ZHX3: variants seen among roughly 807,000 people sequenced by gnomAD.
ZHX3 encodes the protein zinc fingers and homeoboxes 3.
ZHX3 carries 20 observed loss-of-function variants against 64.5 expected under a neutral mutation model. The observed-to-expected ratio is 0.31, with a 90% confidence interval of 0.22 to 0.45. The LOEUF (loss-of-function observed/expected upper bound fraction) is 0.45. Among genes scored for constraint, ZHX3 ranks in the 20% least tolerant of loss-of-function variants. The pLI is 1.00. For missense variants in ZHX3, 1,041 were observed against 1,195.8 expected (o/e 0.87, Z 1.91); for synonymous variants, 423 against 461.6 (o/e 0.92, Z 1.07).
intron 2 of ZHX3, among the ~76,000 whole-genome samples, chr20:41,222,300 T>A (rs894901589): frequency 6.6e-6 from 1 of 152,182 alleles, no homozygotes; most frequent in Non-Finnish European, 1.5e-5. Context: ...AGATTTTTGA[T>A]CTAAGCAACT....
At position 41,201,275 on chromosome 20, in the gene ZHX3, C is replaced by T. The variant is rs896123262; in HGVS notation, c.2860+782G>A. On this transcript the variant is annotated intron_variant, in intron 3 of 3. Transcript: ENST00000683867. This position sits in a 1 kb window ranked among gnomAD's most constrained non-coding sequence, Gnocchi z 5.0. ...TCAGCTTCTACAATACTCCGCCCTC[C>T]TGGCTCTCACCTGAGCTTCTGGCTG... is the stretch of plus-strand genomic sequence containing the variant. 2 of 1,297,280 alleles carry T rather than the reference C, an allele frequency of 1.5e-6. No individual in the cohort carries two copies. The highest frequency in any genetic ancestry group is 3.1e-5 in the African/African-American group (2 of 65,434). 80.4% of individuals were successfully genotyped at this position (1,297,280 alleles called of 1,614,324 possible). A position where few individuals can be genotyped will look rare whatever the true frequency, so the allele number is the denominator to read the frequency against.
intron 2 of ZHX3, among the ~76,000 whole-genome samples, chr20:41,250,042 G>A (rs1387722893): frequency 6.6e-6 from 1 of 152,062 alleles, no homozygotes; most frequent in Non-Finnish European, 1.5e-5. Flanking sequence ...AAGCAGTCTG[G>A]GGAAACACTT....
At chr20:41,302,049 A>G (rs1161818716) in intron 1 of ZHX3, among the ~76,000 whole-genome samples, 2 of 102,518 alleles carry the variant, frequency 2.0e-5, no homozygotes, top group Non-Finnish European at 3.8e-5. Flanking sequence ...GCGAGACTCC[A>G]TCTCAAAAAA....
intron 2 of ZHX3, among the ~76,000 whole-genome samples, chr20:41,211,927 G>T (rs1360664749): frequency 6.6e-6 from 1 of 152,154 alleles, no homozygotes; most frequent in Non-Finnish European, 1.5e-5. Context: ...CCAAATCAGG[G>T]AAACTAAAAA....
rs139451280 is a variant in ZHX3 at position 41,193,091 on chromosome 20, A to G, written c.2861-7890T>C. Reference sequence around the variant, plus strand: ...GTGTTCTGTCTTGGATAATCTATTCAAAGTGTGATTATCTACTCTCTATTT... The same window carrying G: ...GTGTTCTGTCTTGGATAATCTATTCGAAGTGTGATTATCTACTCTCTATTT... On this transcript the variant is annotated intron_variant, in intron 3 of 3. Transcript: ENST00000683867. Among the ~76,000 whole-genome samples, 72 of 152,252 alleles carry G rather than the reference A, an allele frequency of 4.7e-4. 1 individual carries two copies. The South Asian group carries it at 6.6e-3, about 14-fold the overall frequency.
chr20:41,276,372 C>T (rs1281968433), intron 1 of ZHX3, among the ~76,000 whole-genome samples: 1 of 152,134 alleles, frequency 6.6e-6, no homozygotes, highest in Non-Finnish European at 1.5e-5. Flanking sequence ...AGATAAGGCA[C>T]TTTGGGAAAT....
chr20:41,306,700 G>A (rs760201673), intron 1 of ZHX3, among the ~76,000 whole-genome samples: 4 of 152,190 alleles, frequency 2.6e-5, no homozygotes, highest in Non-Finnish European at 5.9e-5. Flanking sequence ...AAATATCTTG[G>A]CTTTTTAAAT....
intron 3 of ZHX3, among the ~76,000 whole-genome samples, chr20:41,191,001 T>C (rs2036970887): frequency 1.3e-5 from 2 of 152,200 alleles, no homozygotes; most frequent in South Asian, 4.1e-4. Context: ...TAATGTGCCA[T>C]AGAGAATACC....
At chr20:41,312,556 T>C (rs1310204064) in intron 1 of ZHX3, among the ~76,000 whole-genome samples, 1 of 152,080 alleles carries the variant, frequency 6.6e-6, no homozygotes, top group African/African-American at 2.4e-5. Flanking sequence ...TGAATTTTAG[T>C]GAAGTGCAAG....
chr20:41,229,445 G>A (rs1403686680), intron 2 of ZHX3, among the ~76,000 whole-genome samples: 1 of 152,102 alleles, frequency 6.6e-6, no homozygotes, highest in Non-Finnish European at 1.5e-5. Flanking sequence ...ATCACATGGT[G>A]ATTCTATTTT....
chr20:41,256,370 A>AT (rs11086801), intron 2 of ZHX3, among the ~76,000 whole-genome samples: 87,568 of 151,702 alleles, frequency 0.58, 26,650 homozygotes, highest in East Asian at 0.82. Flanking sequence ...TAAATTGAGA[A>AT]TTTTTTTATA....
At chr20:41,281,692 G>A (rs2043683909) in intron 1 of ZHX3, among the ~76,000 whole-genome samples, 1 of 152,192 alleles carries the variant, frequency 6.6e-6, no homozygotes, top group Non-Finnish European at 1.5e-5. Flanking sequence ...AAGGATGGTG[G>A]TGAATGGAGG....
intron 1 of ZHX3, among the ~76,000 whole-genome samples, chr20:41,313,339 C>T (rs552713494): frequency 3.9e-5 from 6 of 151,932 alleles, no homozygotes; most frequent in Admixed American, 6.6e-5. Flanking sequence ...GGTGGGGAGA[C>T]GTAACAGAAA....
At chr20:41,255,049 A>G (rs2042172284) in intron 2 of ZHX3, among the ~76,000 whole-genome samples, 1 of 152,162 alleles carries the variant, frequency 6.6e-6, no homozygotes, top group Non-Finnish European at 1.5e-5. Flanking sequence ...AAAGCGTGTT[A>G]AAGGACATGG....
At chr20:41,192,593 G>A (rs1012089684) in intron 3 of ZHX3, among the ~76,000 whole-genome samples, 5 of 152,230 alleles carry the variant, frequency 3.3e-5, no homozygotes, top group Admixed American at 6.5e-5. Flanking sequence ...ACAACAACAG[G>A]AGCACATGCC....
rs547233575 is a variant in ZHX3, at chr20:41,232,831, C to T, written c.-150-27765G>A. ...CGATCTCCTGACCTCGTGATCCCCC[C>T]GCCTCGGCCTCCCAAAGTGCTGGGA... On this transcript the variant is annotated intron_variant, in intron 2 of 3. Transcript: ENST00000683867. This position sits in a 1 kb window ranked among gnomAD's most constrained non-coding sequence, Gnocchi z 5.0. Among the ~76,000 whole-genome samples, 585 of 152,256 alleles carry T rather than the reference C, an allele frequency of 3.8e-3. 12 individuals carry two copies. The highest frequency in any genetic ancestry group is 0.028 in the Admixed American group (434 of 15,294).
At position 41,217,374 on chromosome 20, in the gene ZHX3, T is replaced by C. The variant is rs190726409; in HGVS notation, c.-150-12308A>G. On this transcript the variant is annotated intron_variant, in intron 2 of 3. Transcript: ENST00000683867. ...GTTGGGTTGGGATATATATGGCTCA[T>C]ATATATGCTCTTATGTACATTTGAC... is the stretch of plus-strand genomic sequence containing the variant. Among the ~76,000 whole-genome samples, 3 of 152,256 alleles carry C rather than the reference T, an allele frequency of 2.0e-5. No homozygotes were observed. The East Asian group carries it at 5.8e-4, about 29-fold the overall frequency.
Position 41,238,031 on chromosome 20 carries a change from G to A in ZHX3, c.-151+30959C>T, listed in dbSNP as rs543773085. Among the ~76,000 whole-genome samples, 3 of 152,268 alleles carry A rather than the reference G, an allele frequency of 2.0e-5. No individual in the cohort carries two copies. In the South Asian group the frequency reaches 6.2e-4, roughly 32 times the overall value. On this transcript the variant is annotated intron_variant, in intron 2 of 3. Coordinates refer to ENST00000683867, the MANE Select transcript of ZHX3 (RefSeq NM_001384317.1). Reference sequence around the variant, plus strand: ...TGCTGCACCACTCAGCTACACTAATGGCAATGTGCACACAGTGAGCACTCA... The same window carrying A: ...TGCTGCACCACTCAGCTACACTAATAGCAATGTGCACACAGTGAGCACTCA...
At chr20:41,310,622 T>C (rs2045103041) in intron 1 of ZHX3, among the ~76,000 whole-genome samples, 2 of 151,918 alleles carry the variant, frequency 1.3e-5, no homozygotes, top group African/African-American at 2.4e-5. Flanking sequence ...TAAAATAGTA[T>C]AGCCAGCTTC....
Sources: allele counts gnomAD v4.1 joint callset (sites outside exome capture counted in the v4.1 genomes callset), GRCh38; gene constraint gnomAD v4.1.1; non-coding constraint Gnocchi (gnomAD v3.1); transcripts MANE v1.5; gene names NCBI Gene and HGNC (gene_info 2026-07-23, HGNC 2026-07-21).